The following MAPT variants were observed in gnomAD, a reference collection of about 807,000 sequenced individuals.
The protein encoded by MAPT is microtubule-associated protein tau.
Under a neutral mutation model 67.9 loss-of-function variants are expected in MAPT, and 34 were observed. That is an observed-to-expected ratio of 0.50 (90% CI 0.38 to 0.67). The LOEUF is 0.67. MAPT is among the 30% of genes least tolerant of loss of function. The pLI, the probability that MAPT is intolerant of heterozygous loss-of-function variation, is 0.00. For synonymous variants in MAPT, 456 were observed against 464.5 expected, an observed-to-expected ratio of 0.98 and a Z score of 0.23; for missense variants, 881 against 1,115.2, an observed-to-expected ratio of 0.79 and a Z score of 2.99.
intron 3 of MAPT, chr17:45,973,500 T>C (rs1362464696): frequency 6.6e-6 from 1 of 152,224 alleles, no homozygotes; most frequent in African/African-American, 2.4e-5. Flanking sequence ...CTCAAGAGCA[T>C]TGGCTCCCAC....
chr17:45,905,054 A>G (rs1012724444), intron 1 of MAPT, among the ~76,000 whole-genome samples: 4 of 152,000 alleles, frequency 2.6e-5, no homozygotes, highest in Admixed American at 6.6e-5. Flanking sequence ...TCTTTTCCCT[A>G]TGAGCAGGGG....
At chr17:45,981,886 G>A (rs1333183176) in intron 4 of MAPT, among the ~76,000 whole-genome samples, 1 of 151,964 alleles carries the variant, frequency 6.6e-6, no homozygotes, top group Non-Finnish European at 1.5e-5. Context: ...CAGACGTGGT[G>A]GCATGCATCT....
At chr17:45,999,192 A>C (rs2074773781) in intron 9 of MAPT, 1 of 1,511,970 alleles carries the variant, frequency 6.6e-7, no homozygotes, top group Non-Finnish European at 8.8e-7. Flanking sequence ...TCCTCCAGGA[A>C]GTCTTCCTGG....
Position 45,996,506 on chromosome 17 carries a change from G to A in MAPT, c.1840G>A (p.Glu614Lys). ...GTCCCTTCCAACCCCACCCACCCGG[G>A]AGCCCAAGAAGGTGGCAGTGGTCCG... ...TPSLPTPPTR[E>K]PKKVAVVRTP... The change falls in exon 9 of 13, where the codon GAG becomes AAG. Residue 614 changes from glutamate (E) to lysine (K), a missense_variant. By Grantham distance (56) the Glu-to-Lys change is moderately conservative. Around this residue, in one of 6 missense-constraint regions of MAPT, gnomAD observed 33 missense variants for 76.0 expected, o/e 0.43. Transcript: ENST00000262410. This position sits in a 1 kb window ranked among gnomAD's most constrained non-coding sequence, Gnocchi z 4.5. 6.2e-7 allele frequency: 1 copy of A among 1,613,590 alleles called. No homozygotes were observed.
Position 45,983,117 on chromosome 17 carries a change from G to C in MAPT, c.538G>C (p.Asp180His), listed in dbSNP as rs930847028. The change falls in exon 5 of 13, where the codon GAC becomes CAC. Residue 180 changes from aspartate to histidine, a missense_variant. Transcript: ENST00000262410. ...CCTGGAGTGGGGACAAAAAGGCGGGGACTGGGCCGAGAAGGGTCCGGCCTT... is the reference window on the plus strand; with the variant it reads ...CCTGGAGTGGGGACAAAAAGGCGGGCACTGGGCCGAGAAGGGTCCGGCCTT... Reference protein sequence around the residue: ...PSLEWGQKGGDWAEKGPAFPK... With the variant: ...PSLEWGQKGGHWAEKGPAFPK... 6.4e-7 allele frequency: 1 copy of C among 1,566,054 alleles called. No individual in the cohort carries two copies. The highest frequency in any genetic ancestry group is 1.3e-5 in the African/African-American group (1 of 74,428).
chr17:46,012,226 G>A (rs566612789), intron 10 of MAPT, among the ~76,000 whole-genome samples: 2 of 152,314 alleles, frequency 1.3e-5, no homozygotes, highest in South Asian at 2.1e-4. Context: ...CACACGGGCT[G>A]CGTGGCCAAC....
intron 2 of MAPT, among the ~76,000 whole-genome samples, chr17:45,968,605 T>C (rs1241849542): frequency 6.6e-6 from 1 of 152,220 alleles, no homozygotes; most frequent in Non-Finnish European, 1.5e-5. Context: ...ACGTGATGCT[T>C]GACTTTTCCT....
chr17:45,935,773 G>A (rs2067265551), intron 1 of MAPT, among the ~76,000 whole-genome samples: 1 of 152,138 alleles, frequency 6.6e-6, no homozygotes, highest in South Asian at 2.1e-4. Flanking sequence ...AGAGGAGGCT[G>A]TTTCATCCCT....
chr17:45,941,692 T>TGCCTTCCC (rs2067951396), intron 1 of MAPT, among the ~76,000 whole-genome samples: 1 of 71,718 alleles, frequency 1.4e-5, no homozygotes, highest in African/African-American at 6.8e-5. Context: ...CCTTCCTTCC[T>TGCCTTCCC]TCCTTCCTGC....
At chr17:46,003,166 T>C (rs1164537876) in intron 9 of MAPT, among the ~76,000 whole-genome samples, 2 of 152,020 alleles carry the variant, frequency 1.3e-5, no homozygotes, top group East Asian at 1.9e-4. Context: ...GCTCTGTCTC[T>C]ACCCAGTCAC....
chr17:45,943,136 C>T (rs1168408849), intron 1 of MAPT, among the ~76,000 whole-genome samples: 1 of 152,226 alleles, frequency 6.6e-6, no homozygotes, highest in Non-Finnish European at 1.5e-5. Context: ...TCACTGCAAC[C>T]TCCGCCTCCC....
chr17:46,009,656 C>T (rs1427463472), intron 9 of MAPT, among the ~76,000 whole-genome samples: 1 of 152,238 alleles, frequency 6.6e-6, no homozygotes, highest in Non-Finnish European at 1.5e-5. Context: ...CATTTGTCTT[C>T]CCCACAAAGC....
chr17:45,957,137 G>C (rs927396496), intron 1 of MAPT, among the ~76,000 whole-genome samples: 2 of 152,044 alleles, frequency 1.3e-5, no homozygotes, highest in Non-Finnish European at 2.9e-5. Context: ...TGGGTCAAAT[G>C]GTATTTCTAG....
intron 9 of MAPT, among the ~76,000 whole-genome samples, chr17:46,006,933 A>AAATAAAATAAAATAAAAT (rs2075472654): frequency 6.8e-6 from 1 of 146,870 alleles, no homozygotes; most frequent in African/African-American, 2.5e-5. Context: ...AAAAAAATAA[A>AAATAAAATAAAATAAAAT]AATAAAATAA....
intron 1 of MAPT, among the ~76,000 whole-genome samples, chr17:45,920,877 C>G (rs551289673): frequency 6.6e-6 from 1 of 152,228 alleles, no homozygotes; most frequent in African/African-American, 2.4e-5. Flanking sequence ...CTTCACCCAC[C>G]TCGCCCCTCA....
At chr17:45,957,055 C>T (rs1387990036) in intron 1 of MAPT, among the ~76,000 whole-genome samples, 2 of 152,112 alleles carry the variant, frequency 1.3e-5, no homozygotes, top group Non-Finnish European at 2.9e-5. Flanking sequence ...CCGCAATAAA[C>T]ATACGTGTGC....
chr17:45,999,654 A>C, intron 9 of MAPT: 1 of 1,603,934 alleles, frequency 6.2e-7, no homozygotes, highest in Non-Finnish European at 8.5e-7. Flanking sequence ...AGGCGACCTC[A>C]TGCCAAGTGT....
At chr17:45,919,161 T>C (rs2065461121) in intron 1 of MAPT, among the ~76,000 whole-genome samples, 1 of 152,138 alleles carries the variant, frequency 6.6e-6, no homozygotes, top group Non-Finnish European at 1.5e-5. Flanking sequence ...ACTGGGAGTC[T>C]TGGCGTCTCC....
intron 1 of MAPT, among the ~76,000 whole-genome samples, chr17:45,912,355 G>A (rs1432447089): frequency 6.6e-6 from 1 of 152,192 alleles, no homozygotes; most frequent in Non-Finnish European, 1.5e-5. Context: ...TTTGAGATGG[G>A]GGGATTATCC....
Sources: allele counts gnomAD v4.1 joint callset (sites outside exome capture counted in the v4.1 genomes callset), GRCh38; gene constraint gnomAD v4.1.1; regional missense constraint gnomAD v4.1.1; non-coding constraint Gnocchi (gnomAD v3.1); transcripts MANE v1.5; gene names NCBI Gene and HGNC (gene_info 2026-07-23, HGNC 2026-07-21).